MYO1B: variants seen among roughly 807,000 people sequenced by gnomAD.
MYO1B encodes the protein unconventional myosin-Ib.
In MYO1B, 72 loss-of-function variants were observed where a neutral mutation model predicts 159.7. That is an observed-to-expected ratio of 0.45 (90% confidence interval 0.37 to 0.55). The LOEUF is 0.55. Ranked by LOEUF, MYO1B falls within the 20% of genes least tolerant of loss-of-function variation. MYO1B has a pLI of 0.00. For synonymous variants in MYO1B, 468 were observed against 473.8 expected, an observed-to-expected ratio of 0.99 and a Z score of 0.16; for missense variants, 1,062 against 1,364.8, an observed-to-expected ratio of 0.78 and a Z score of 3.50.
chr2:191,413,666 A>C (rs1007986381), intron 27 of MYO1B, among the ~76,000 whole-genome samples: 12 of 152,312 alleles, frequency 7.9e-5, no homozygotes, highest in African/African-American at 2.9e-4. Flanking sequence ...TGAAGGCGTT[A>C]GTAAATCCTT....
chr2:191,388,876 C>T (rs931184799), intron 17 of MYO1B, among the ~76,000 whole-genome samples: 3 of 151,870 alleles, frequency 2.0e-5, no homozygotes, highest in African/African-American at 7.3e-5. Flanking sequence ...TTCTTCATTC[C>T]CCTCCTTTTT....
intron 4 of MYO1B, among the ~76,000 whole-genome samples, chr2:191,330,270 G>A (rs544995691): frequency 1.1e-4 from 17 of 152,238 alleles, no homozygotes; most frequent in African/African-American, 2.9e-4. Context: ...CCTTTTTAGC[G>A]TAGTCTCTGG....
At chr2:191,369,493 G>C in intron 11 of MYO1B, 49 bp from the exon 12 acceptor site, 1 of 1,285,324 alleles carries the variant, frequency 7.8e-7, no homozygotes, top group Non-Finnish European at 1.1e-6. Context: ...TTAAAAGTAA[G>C]CATTGTGGAA....
chr2:191,296,905 G>A lies in MYO1B; in HGVS notation c.251+679G>A, dbSNP rs1208785684. Among the ~76,000 whole-genome samples the A allele has an allele frequency of 2.0e-5, 3 of 152,128 alleles. No homozygotes were observed. In the South Asian group the frequency reaches 6.2e-4, roughly 32 times the overall value. On this transcript the variant is annotated intron_variant, in intron 3 of 30. Transcript: ENST00000392318. ...GTCTGAATGACTGAAACATAACACTGGAAAAGTTTGCCTGGATTTGGTAGA... is the reference window on the plus strand; with the variant it reads ...GTCTGAATGACTGAAACATAACACTAGAAAAGTTTGCCTGGATTTGGTAGA...
In MYO1B at chr2:191,390,498, A is replaced by G. The variant is rs777483539; in HGVS notation, c.1982+6A>G. On this transcript the variant is annotated splice_donor_region_variant and intron_variant, in intron 18 of 30. Transcript: ENST00000392318. ...CATTGGAAAGGACCAGCCAGGTAAG[A>G]AATTCAGTGACCATATTTAATAATG... The G allele has an allele frequency of 1.9e-6, 3 of 1,609,960 alleles. No homozygotes were observed. Among genetic ancestry groups the G allele is most frequent in the Non-Finnish European group, 2.5e-6 (3 of 1,177,534 alleles).
At chr2:191,308,302 T>C (rs1204564772) in intron 3 of MYO1B, among the ~76,000 whole-genome samples, 1 of 152,210 alleles carries the variant, frequency 6.6e-6, no homozygotes, top group Non-Finnish European at 1.5e-5. Flanking sequence ...GATGTGGACA[T>C]GTGTATTATA....
chr2:191,306,694 G>A (rs973962683), intron 3 of MYO1B, among the ~76,000 whole-genome samples: 1 of 151,854 alleles, frequency 6.6e-6, no homozygotes, highest in African/African-American at 2.4e-5. Context: ...GGAGAAAGGG[G>A]GATCAGAGGG....
intron 3 of MYO1B, among the ~76,000 whole-genome samples, chr2:191,305,622 G>A (rs151297636): frequency 3.3e-5 from 5 of 152,364 alleles, no homozygotes; most frequent in East Asian, 3.9e-4. Flanking sequence ...ACAGGCTGGC[G>A]TGGGAGACAG....
chr2:191,307,639 A>G (rs1256935824), intron 3 of MYO1B, among the ~76,000 whole-genome samples: 1 of 152,116 alleles, frequency 6.6e-6, no homozygotes, highest in Admixed American at 6.5e-5. Flanking sequence ...CAGACCACAC[A>G]GGTCAAAGGC....
intron 3 of MYO1B, among the ~76,000 whole-genome samples, chr2:191,300,195 G>C (rs559543491): frequency 1.3e-5 from 2 of 152,244 alleles, no homozygotes; most frequent in East Asian, 3.9e-4. Flanking sequence ...GATGACCTTA[G>C]CTTTTGATGC....
chr2:191,258,829 C>T (rs889294597), intron 1 of MYO1B, among the ~76,000 whole-genome samples: 10 of 152,182 alleles, frequency 6.6e-5, no homozygotes, highest in Non-Finnish European at 1.3e-4. Flanking sequence ...AGTCTTAATA[C>T]TTAGCACTGG....
intron 9 of MYO1B, among the ~76,000 whole-genome samples, chr2:191,363,443 A>G (rs1159970644): frequency 2.6e-5 from 4 of 152,156 alleles, no homozygotes; most frequent in African/African-American, 9.7e-5. Context: ...AAAAAACGAC[A>G]TACATACAAA....
chr2:191,425,088 GTTTC>G lies in MYO1B; in HGVS notation c.*1131_*1134del, dbSNP rs991793800. ...ACATTTTAAACTTTGGAATCAAATTGTTTCTTATTTGGGAGGATAATGTATATAC... is the reference window on the plus strand; with the variant it reads ...ACATTTTAAACTTTGGAATCAAATTGTTATTTGGGAGGATAATGTATATAC... On this transcript the variant is annotated 3_prime_UTR_variant, in exon 31 of 31. Coordinates refer to ENST00000392318, the MANE Select transcript of MYO1B (RefSeq NM_001130158.3). 3 of 152,008 alleles carry G rather than the reference GTTTC, an allele frequency of 2.0e-5. No individual in the cohort carries two copies. The highest frequency in any genetic ancestry group is 7.3e-5 in the African/African-American group (3 of 41,342). The allele number at this position is 152,008 out of a possible 1,614,324, so 9.4% of individuals were successfully genotyped here.
intron 3 of MYO1B, among the ~76,000 whole-genome samples, chr2:191,311,251 T>G (rs7596801): frequency 0.023 from 3,444 of 152,282 alleles, 119 homozygotes; most frequent in African/African-American, 0.077. Flanking sequence ...TCTTTTTCCA[T>G]CAGTCCACAT....
At chr2:191,400,558 A>C (rs893801474) in intron 22 of MYO1B, 90 bp downstream of exon 22, 1 of 1,479,236 alleles carries the variant, frequency 6.8e-7, no homozygotes, top group Non-Finnish European at 9.4e-7. Flanking sequence ...AAAATGTTTC[A>C]CTGGCTTGAG....
At chr2:191,250,565 A>G (rs1381544720) in intron 1 of MYO1B, among the ~76,000 whole-genome samples, 2 of 152,226 alleles carry the variant, frequency 1.3e-5, no homozygotes, top group Non-Finnish European at 2.9e-5. Flanking sequence ...CTTGTGGACA[A>G]GACATGCCAA....
rs558413791 is a variant in MYO1B at position 191,394,962 on chromosome 2, C to T, written c.2227-1467C>T. ...TGAACTACATACCTCAACCAGTTCA[C>T]TACATGTTACTCAAGCCAGTGGTTA... On this transcript the variant is annotated intron_variant, in intron 20 of 30. Coordinates refer to ENST00000392318, the MANE Select transcript of MYO1B (RefSeq NM_001130158.3). Among the ~76,000 whole-genome samples the T allele has an allele frequency of 6.6e-5, 10 of 152,264 alleles. 1 individual carries two copies. In the South Asian group the frequency reaches 2.1e-3, roughly 32 times the overall value.
intron 18 of MYO1B, among the ~76,000 whole-genome samples, chr2:191,390,893 T>G (rs960377133): frequency 3.3e-5 from 5 of 152,228 alleles, no homozygotes; most frequent in African/African-American, 1.2e-4. Flanking sequence ...TGCCTATATC[T>G]ATACCAGTTA....
chr2:191,356,463 C>T (rs775499180), intron 7 of MYO1B, among the ~76,000 whole-genome samples: 42 of 150,622 alleles, frequency 2.8e-4, no homozygotes, highest in South Asian at 2.1e-4. Flanking sequence ...AAGAGCAATG[C>T]TGTGACTTCG....
Sources: gnomAD v4.1 joint callset for allele counts (sites outside exome capture counted in the v4.1 genomes callset) on GRCh38, gnomAD v4.1.1 for gene constraint, MANE v1.5 for transcripts, NCBI Gene and HGNC (gene_info 2026-07-23, HGNC 2026-07-21) for gene names.